Variants in GYPB observed in about 807,000 individuals in gnomAD.
GYPB encodes the protein glycophorin-B.
GYPB carries 13 observed loss-of-function variants against 15.3 expected under a neutral mutation model. That is an observed-to-expected ratio of 0.85 (90% CI 0.55 to 1.35). GYPB has a LOEUF of 1.35. Ranked by LOEUF, GYPB falls within the 40% of genes most tolerant of loss-of-function variation. The probability of loss-of-function intolerance (pLI) is 0.00; values close to 1 mark genes in which losing one functional copy is unlikely to be tolerated. For synonymous variants in GYPB, 38 were observed against 36.9 expected, an observed-to-expected ratio of 1.03 and a Z score of -0.11; for missense variants, 131 against 108.3, an observed-to-expected ratio of 1.21 and a Z score of -0.93.
rs764782360 is a variant in GYPB at position 144,019,206 on chromosome 4, C to A, written c.37+45G>T. On this transcript the variant is annotated intron_variant, in intron 1 of 4. Transcript: ENST00000502664. Reference sequence around the variant, plus strand: ...GGTAGTTCATATTTTATTCTATGATCTCATACCCAATATAACAGAACCAAG... The same window carrying A: ...GGTAGTTCATATTTTATTCTATGATATCATACCCAATATAACAGAACCAAG... The A allele has an allele frequency of 5.0e-6, 8 of 1,609,034 alleles. No homozygotes were observed. In the South Asian group the frequency reaches 8.8e-5, roughly 18 times the overall value.
At chr4:144,007,434 C>T (rs1435306702) in intron 1 of GYPB, among the ~76,000 whole-genome samples, 4 of 151,686 alleles carry the variant, frequency 2.6e-5, no homozygotes, top group Admixed American at 6.5e-5. Flanking sequence ...TATTCTATCT[C>T]GAAGGTGTTG....
chr4:143,997,239 G>A (rs924618783), intron 4 of GYPB: 2 of 239,702 alleles, frequency 8.3e-6, no homozygotes, highest in South Asian at 1.2e-4. Context: ...ACTATAAGAA[G>A]AATCTTAATA....
chr4:144,014,398 A>G (rs1218483018), intron 1 of GYPB, among the ~76,000 whole-genome samples: 1 of 151,818 alleles, frequency 6.6e-6, no homozygotes, highest in African/African-American at 2.4e-5. Flanking sequence ...CCAAATTTTC[A>G]TCAAATGATG....
chr4:144,014,475 C>T lies in GYPB; in HGVS notation c.37+4776G>A, dbSNP rs139193637. Among the ~76,000 whole-genome samples the T allele has an allele frequency of 1.0e-3, 155 of 151,728 alleles. 6 individuals carry two copies. Among genetic ancestry groups the T allele is most frequent in the African/African-American group, 3.5e-3 (145 of 41,012 alleles). ...CATTTATTATAAAAGGAATGAAATA[C>T]TGATACACGCTACAATATGGATGAA... is the stretch of plus-strand genomic sequence containing the variant. On this transcript the variant is annotated intron_variant, in intron 1 of 4. Coordinates refer to ENST00000502664, the MANE Select transcript of GYPB (RefSeq NM_002100.6).
intron 1 of GYPB, 83 bp from the exon 2 acceptor site, chr4:144,001,366 T>G: frequency 6.2e-7 from 1 of 1,608,648 alleles, no homozygotes. Flanking sequence ...GACAAATTCC[T>G]CTCACATCCC....
intron 1 of GYPB, among the ~76,000 whole-genome samples, chr4:144,003,715 A>T (rs1727738193): frequency 6.6e-6 from 1 of 151,404 alleles, no homozygotes; most frequent in South Asian, 2.1e-4. Context: ...AAATAGGTAG[A>T]CTTCTTTGTT....
At chr4:144,013,230 C>T (rs1480919002) in intron 1 of GYPB, among the ~76,000 whole-genome samples, 1 of 151,136 alleles carries the variant, frequency 6.6e-6, no homozygotes, top group East Asian at 1.9e-4. Flanking sequence ...TACCATCTCA[C>T]ACCAGTTAGA....
chr4:143,997,902 C>T (rs1330059210), intron 3 of GYPB, among the ~76,000 whole-genome samples: 2 of 151,204 alleles, frequency 1.3e-5, no homozygotes, highest in East Asian at 3.9e-4. Flanking sequence ...ATTCCAGACC[C>T]AGCGTTCTTC....
Position 143,999,950 on chromosome 4 carries a change from T to C in GYPB, c.137-501A>G, listed in dbSNP as rs531211918. ...AGCTTTTGCCAATAGTCTCTCTGGA[T>C]TCTATGTCAGTAGCAATTGATAGTA... is the stretch of plus-strand genomic sequence containing the variant. On this transcript the variant is annotated intron_variant, in intron 2 of 4. Coordinates refer to ENST00000502664, the MANE Select transcript of GYPB (RefSeq NM_002100.6). 4.9e-4 allele frequency: 84 copies of C among 169,746 alleles called. 7 individuals are homozygous for C. Among genetic ancestry groups the C allele is most frequent in the African/African-American group, 1.9e-3 (79 of 41,132 alleles). The allele number at this position is 169,746 out of a possible 1,614,324, so 10.5% of individuals were successfully genotyped here. A position where few individuals can be genotyped will look rare whatever the true frequency, so the allele number is the denominator to read the frequency against.
At chr4:144,008,991 A>C (rs1728073132) in intron 1 of GYPB, among the ~76,000 whole-genome samples, 1 of 151,518 alleles carries the variant, frequency 6.6e-6, no homozygotes, top group Non-Finnish European at 1.5e-5. Context: ...CTATAAAGTG[A>C]ACAGCTACAG....
rs1368880133 is a variant in GYPB, at chr4:143,997,977, A to T, written c.176-343T>A. On this transcript the variant is annotated intron_variant, in intron 3 of 4. Coordinates refer to ENST00000502664, the MANE Select transcript of GYPB (RefSeq NM_002100.6). ...CTCAGATATGGGGAAAAAAACCCAC[A>T]AATTCTCCCATAGTTTGGAAGTTAT... Among the ~76,000 whole-genome samples the T allele has an allele frequency of 5.9e-5, 9 of 151,484 alleles. No homozygotes were observed. In the South Asian group the frequency reaches 8.3e-4, roughly 14 times the overall value.
In GYPB at chr4:144,014,863, C is replaced by T. The variant is rs568976689; in HGVS notation, c.37+4388G>A. ...GCATGGCACAAAGTAAGTGCTATATCAGTGTTGGTTATTATTATTCAGAAC... is the reference window on the plus strand; with the variant it reads ...GCATGGCACAAAGTAAGTGCTATATTAGTGTTGGTTATTATTATTCAGAAC... On this transcript the variant is annotated intron_variant, in intron 1 of 4. Transcript: ENST00000502664. Among the ~76,000 whole-genome samples, 28 of 151,554 alleles carry T rather than the reference C, an allele frequency of 1.8e-4. 2 individuals carry two copies. Among genetic ancestry groups the T allele is most frequent in the African/African-American group, 6.9e-4 (28 of 40,874 alleles).
chr4:144,003,209 G>T (rs1190402031), intron 1 of GYPB, among the ~76,000 whole-genome samples: 1 of 151,404 alleles, frequency 6.6e-6, no homozygotes, highest in Non-Finnish European at 1.5e-5. Flanking sequence ...TTAGATATGA[G>T]CTTTGGCTTA....
At chr4:144,000,009 C>G (rs930556160) in intron 2 of GYPB, 7 of 185,954 alleles carry the variant, frequency 3.8e-5, no homozygotes, top group African/African-American at 1.7e-4. Flanking sequence ...TGCTAACCTT[C>G]CCTCTCAGTC....
At chr4:144,001,820 A>G in intron 1 of GYPB, among the ~76,000 whole-genome samples, 1 of 151,020 alleles carries the variant, frequency 6.6e-6, no homozygotes, top group Non-Finnish European at 1.5e-5. Flanking sequence ...CAGTGTCTCC[A>G]TCTGCTAGGG....
At chr4:144,001,075 G>T (rs549266123) in intron 2 of GYPB, 110 bp downstream of exon 2, 7 of 1,566,778 alleles carry the variant, frequency 4.5e-6, no homozygotes, top group Middle Eastern at 1.7e-4. Context: ...TACTTAGCTC[G>T]CATTTCTCAG....
chr4:144,006,597 T>C (rs571333533), intron 1 of GYPB, among the ~76,000 whole-genome samples: 199 of 152,040 alleles, frequency 1.3e-3, no homozygotes, highest in African/African-American at 4.6e-3. Context: ...TTCCAGTGGC[T>C]GAGCTCTCAT....
intron 1 of GYPB, chr4:144,002,765 C>G (rs2149959546): frequency 9.2e-7 from 1 of 1,086,632 alleles, no homozygotes; most frequent in South Asian, 1.3e-5. Flanking sequence ...GGGAAGAGTT[C>G]TAAAACCTTT....
At chr4:144,002,050 A>T (rs1375683296) in intron 1 of GYPB, among the ~76,000 whole-genome samples, 5 of 150,644 alleles carry the variant, frequency 3.3e-5, no homozygotes, top group Non-Finnish European at 5.9e-5. Flanking sequence ...AAATCTCATT[A>T]AATAAATTGT....
Sources: allele counts gnomAD v4.1 joint callset (sites outside exome capture counted in the v4.1 genomes callset), GRCh38; gene constraint gnomAD v4.1.1; transcripts MANE v1.5; gene names NCBI Gene and HGNC (gene_info 2026-07-23, HGNC 2026-07-21).